ATXN7L1: variants seen among roughly 807,000 people sequenced by gnomAD.
ATXN7L1 encodes ataxin 7 like 1, also known as ataxin-7-like protein 1.
A neutral mutation model predicts 70.8 loss-of-function variants in ATXN7L1; 15 were observed. The ratio of observed to expected loss-of-function variants is 0.21; its 90% CI spans 0.14 to 0.33. ATXN7L1 has a LOEUF of 0.33. Ranked by LOEUF, ATXN7L1 falls within the 10% of genes least tolerant of loss-of-function variation. The pLI is 1.00. For synonymous variants in ATXN7L1, 440 were observed against 445.1 expected, an observed-to-expected ratio of 0.99 and a Z score of 0.14; for missense variants, 975 against 1,097.1, an observed-to-expected ratio of 0.89 and a Z score of 1.57.
At chr7:105,612,664 A>G (rs555394763) in intron 10 of ATXN7L1, among the ~76,000 whole-genome samples, 16 of 152,106 alleles carry the variant, frequency 1.1e-4, no homozygotes, top group African/African-American at 3.6e-4. Flanking sequence ...CCTCAGCTCG[A>G]GCGAGAGGAC....
chr7:105,629,389 A>G (rs1393841584), intron 7 of ATXN7L1, among the ~76,000 whole-genome samples: 12 of 151,772 alleles, frequency 7.9e-5, no homozygotes, highest in African/African-American at 2.2e-4. Context: ...GATTTCACTT[A>G]GCATAATGCT....
At chr7:105,715,487 T>G (rs1256123808) in intron 3 of ATXN7L1, among the ~76,000 whole-genome samples, 1 of 152,254 alleles carries the variant, frequency 6.6e-6, no homozygotes, top group Non-Finnish European at 1.5e-5. Context: ...TTGAATTCCT[T>G]TGGCTGCCAA....
intron 2 of ATXN7L1, among the ~76,000 whole-genome samples, chr7:105,803,163 G>C (rs1351259700): frequency 6.6e-6 from 1 of 152,232 alleles, no homozygotes; most frequent in Admixed American, 6.5e-5. Context: ...CAACACACGG[G>C]CTTCACTCTC....
intron 2 of ATXN7L1, among the ~76,000 whole-genome samples, chr7:105,813,072 C>T (rs1224537321): frequency 6.6e-6 from 1 of 152,220 alleles, no homozygotes; most frequent in Non-Finnish European, 1.5e-5. Flanking sequence ...CTTGCTCTGA[C>T]TTCTCCACAG....
intron 3 of ATXN7L1, among the ~76,000 whole-genome samples, chr7:105,706,668 T>C (rs1793214733): frequency 6.6e-6 from 1 of 152,240 alleles, no homozygotes; most frequent in African/African-American, 2.4e-5. Context: ...CTCTGGGGAC[T>C]GGGGTGATCT....
chr7:105,769,519 G>A (rs1801706217), intron 3 of ATXN7L1, among the ~76,000 whole-genome samples: 2 of 152,160 alleles, frequency 1.3e-5, no homozygotes, highest in African/African-American at 4.8e-5. Flanking sequence ...TTAGTCCCCC[G>A]AGCACAGGAA....
At chr7:105,844,717 T>C (rs1813717669) in intron 2 of ATXN7L1, among the ~76,000 whole-genome samples, 1 of 152,238 alleles carries the variant, frequency 6.6e-6, no homozygotes, top group South Asian at 2.1e-4. Context: ...ATACTGAATA[T>C]TCTAGCCAGA....
chr7:105,705,037 T>C (rs1376532281), intron 3 of ATXN7L1, among the ~76,000 whole-genome samples: 1 of 151,986 alleles, frequency 6.6e-6, no homozygotes, highest in Non-Finnish European at 1.5e-5. Flanking sequence ...TTTATTTATT[T>C]ATTTTGAGAC....
intron 2 of ATXN7L1, among the ~76,000 whole-genome samples, chr7:105,801,907 G>A (rs962471026): frequency 2.0e-5 from 3 of 152,144 alleles, no homozygotes; most frequent in African/African-American, 7.2e-5. Flanking sequence ...GCACACCACT[G>A]GTTCTCATTC....
chr7:105,758,370 C>T (rs148673925), intron 3 of ATXN7L1, among the ~76,000 whole-genome samples: 9 of 152,256 alleles, frequency 5.9e-5, no homozygotes, highest in Non-Finnish European at 1.3e-4. Flanking sequence ...ATTTTCCACA[C>T]ATGAGAAGAT....
chr7:105,615,724 A>G (rs1000536771), intron 9 of ATXN7L1, among the ~76,000 whole-genome samples: 5 of 152,156 alleles, frequency 3.3e-5, no homozygotes, highest in Non-Finnish European at 5.9e-5. Context: ...TTTGTTCTGA[A>G]GATAAATGTA....
chr7:105,693,747 G>T (rs916291013), intron 3 of ATXN7L1, among the ~76,000 whole-genome samples: 4 of 152,084 alleles, frequency 2.6e-5, no homozygotes, highest in Non-Finnish European at 4.4e-5. Flanking sequence ...GGCCACCAGC[G>T]CCATGGTGGT....
At chr7:105,713,913 G>A (rs1037768229) in intron 3 of ATXN7L1, among the ~76,000 whole-genome samples, 2 of 152,194 alleles carry the variant, frequency 1.3e-5, no homozygotes, top group Admixed American at 6.5e-5. Flanking sequence ...TCTCTCAGAC[G>A]ACCCAGGGAT....
chr7:105,613,917 G>A lies in ATXN7L1; in HGVS notation c.2417C>T (p.Pro806Leu), dbSNP rs750510253. ...GGGCACCGGTGCGAGAAGGCTGGGC[G>A]GGTTCTTTTTGTGAACGCTATTCAT... ...PGMNSVHKKNPPSLLAPVPDP... is the reference protein window; with the variant it reads ...PGMNSVHKKNLPSLLAPVPDP... Residue 806 changes from proline (P) to leucine (L), a missense_variant, in exon 10 of 12, where the codon CCG becomes CTG. Physicochemically the swap from Pro to Leu is moderately conservative, Grantham distance 98 (BLOSUM62 -3). Around this residue, in one of 5 missense-constraint regions of ATXN7L1, gnomAD observed 635 missense variants for 699.4 expected, o/e 0.91. Transcript: ENST00000419735. The A allele has an allele frequency of 3.2e-5, 49 of 1,552,016 alleles. No homozygotes were observed. The highest frequency in any genetic ancestry group is 1.9e-4 in the South Asian group (16 of 84,058).
At chr7:105,733,565 TCC>T (rs1796883053) in intron 3 of ATXN7L1, among the ~76,000 whole-genome samples, 2 of 10,986 alleles carry the variant, frequency 1.8e-4, no homozygotes, top group Non-Finnish European at 4.6e-4. Flanking sequence ...CACCCATCCA[TCC>T]TTCCATCCAT....
intron 2 of ATXN7L1, among the ~76,000 whole-genome samples, chr7:105,793,959 C>T (rs1805616704): frequency 6.6e-6 from 1 of 150,808 alleles, no homozygotes; most frequent in Admixed American, 6.6e-5. Flanking sequence ...ATCCATCTTT[C>T]CATCCACCCA....
intron 4 of ATXN7L1, among the ~76,000 whole-genome samples, chr7:105,643,916 T>C (rs1011106808): frequency 1.3e-5 from 2 of 152,240 alleles, no homozygotes; most frequent in African/African-American, 2.4e-5. Flanking sequence ...TCTTCTTTAA[T>C]GCTGAAGGAC....
At chr7:105,709,691 AG>A (rs1440429856) in intron 3 of ATXN7L1, among the ~76,000 whole-genome samples, 1 of 152,162 alleles carries the variant, frequency 6.6e-6, no homozygotes, top group Non-Finnish European at 1.5e-5. Context: ...ATCACCAGAA[AG>A]GCTTGCCTAC....
intron 2 of ATXN7L1, among the ~76,000 whole-genome samples, chr7:105,798,771 G>A (rs1208300389): frequency 6.6e-6 from 1 of 152,056 alleles, no homozygotes; most frequent in Non-Finnish European, 1.5e-5. Flanking sequence ...GTATAATGAA[G>A]AACTTGATGT....
Sources: gnomAD v4.1 joint callset for allele counts (sites outside exome capture counted in the v4.1 genomes callset) on GRCh38, gnomAD v4.1.1 for gene constraint, gnomAD v4.1.1 regional missense constraint, MANE v1.5 for transcripts, NCBI Gene and HGNC (gene_info 2026-07-23, HGNC 2026-07-21) for gene names.